Variants in SHOC1 observed in about 807,000 individuals in gnomAD.
The protein encoded by SHOC1 is protein shortage in chiasmata 1 ortholog.
In SHOC1, 136 loss-of-function variants were observed where a neutral mutation model predicts 179.2. That is an observed-to-expected ratio of 0.76 (90% CI 0.66 to 0.87). The LOEUF is 0.87. SHOC1 is among the 40% of genes least tolerant of loss of function. The pLI is 0.00. For missense variants in SHOC1, 1,538 were observed against 1,700.8 expected, an observed-to-expected ratio of 0.90 and a Z score of 1.68; for synonymous variants, 489 against 586.6, an observed-to-expected ratio of 0.83 and a Z score of 2.41.
intron 3 of SHOC1, among the ~76,000 whole-genome samples, chr9:111,783,670 T>C (rs1324610378): frequency 2.0e-5 from 3 of 152,206 alleles, no homozygotes; most frequent in Non-Finnish European, 4.4e-5. Flanking sequence ...AATTTACATA[T>C]TGAAAACTCC....
At chr9:111,720,646 A>G (rs1832994443) in intron 15 of SHOC1, among the ~76,000 whole-genome samples, 1 of 151,604 alleles carries the variant, frequency 6.6e-6, no homozygotes, top group Non-Finnish European at 1.5e-5. Context: ...TTTCTTTTTC[A>G]TTCTTTCATG....
chr9:111,758,895 T>A, intron 5 of SHOC1, 47 bp from the exon 6 acceptor site: 2 of 1,162,732 alleles, frequency 1.7e-6, no homozygotes, highest in Non-Finnish European at 2.4e-6. Flanking sequence ...AAACAAAAAG[T>A]TATCCAAAGA....
chr9:111,724,732 A>G (rs1446088072), intron 13 of SHOC1, among the ~76,000 whole-genome samples: 1 of 152,080 alleles, frequency 6.6e-6, no homozygotes, highest in African/African-American at 2.4e-5. Context: ...CCCTACTTCC[A>G]GGCCAGCAAA....
chr9:111,767,667 G>A (rs1835407486), intron 5 of SHOC1, among the ~76,000 whole-genome samples: 1 of 151,996 alleles, frequency 6.6e-6, no homozygotes. Flanking sequence ...TTGGCTATTT[G>A]GGGTCTTTTG....
intron 5 of SHOC1, among the ~76,000 whole-genome samples, chr9:111,768,040 GTCC>G (rs1367504514): frequency 6.6e-6 from 1 of 151,898 alleles, no homozygotes; most frequent in African/African-American, 2.4e-5. Flanking sequence ...TTTTTTGTGT[GTCC>G]TCCTCAATTT....
chr9:111,730,873 T>G (rs1833533737), intron 12 of SHOC1, among the ~76,000 whole-genome samples: 1 of 152,240 alleles, frequency 6.6e-6, no homozygotes, highest in Admixed American at 6.5e-5. Context: ...GAACGCTGTT[T>G]CATCTACATT....
At chr9:111,691,487 G>T in intron 27 of SHOC1, 64 bp downstream of exon 27, 3 of 1,439,072 alleles carry the variant, frequency 2.1e-6, no homozygotes, top group Admixed American at 2.3e-5. Flanking sequence ...GTTAAATTTG[G>T]AGATGATTTT....
chr9:111,753,161 T>G (rs1001131712), intron 8 of SHOC1, among the ~76,000 whole-genome samples: 1 of 152,240 alleles, frequency 6.6e-6, no homozygotes, highest in African/African-American at 2.4e-5. Context: ...AAAATATAAC[T>G]CTGTGGTAAT....
intron 1 of SHOC1, among the ~76,000 whole-genome samples, chr9:111,793,066 T>C (rs906317865): frequency 4.6e-5 from 7 of 152,072 alleles, no homozygotes; most frequent in African/African-American, 1.7e-4. Flanking sequence ...GTATATTTAG[T>C]AGAGACAGGG....
chr9:111,745,857 T>C (rs866400338), intron 10 of SHOC1, among the ~76,000 whole-genome samples: 1 of 152,236 alleles, frequency 6.6e-6, no homozygotes, highest in Admixed American at 6.5e-5. Context: ...CTAAGCATAC[T>C]ATTCCAATGC....
intron 12 of SHOC1, among the ~76,000 whole-genome samples, chr9:111,737,227 G>A (rs565074885): frequency 3.3e-5 from 5 of 152,218 alleles, no homozygotes; most frequent in African/African-American, 4.8e-5. Context: ...TAAAAAAATC[G>A]TTCTGTCTTC....
intron 23 of SHOC1, among the ~76,000 whole-genome samples, 177 bp downstream of exon 23, chr9:111,701,928 G>A (rs547897231): frequency 6.6e-6 from 1 of 152,004 alleles, no homozygotes; most frequent in Non-Finnish European, 1.5e-5. Context: ...CCAGGGAAAC[G>A]TATCATCTCC....
chr9:111,783,436 T>C (rs2131639252), intron 3 of SHOC1: 1 of 152,340 alleles, frequency 6.6e-6, no homozygotes, highest in Middle Eastern at 3.4e-3. Flanking sequence ...AACTTGAGCT[T>C]TTAACAGGAG....
At chr9:111,748,827 CCT>C (rs1834426402) in intron 8 of SHOC1, among the ~76,000 whole-genome samples, 1 of 125,212 alleles carries the variant, frequency 8.0e-6, no homozygotes, top group Non-Finnish European at 1.6e-5. Context: ...TCCCTCCCTT[CCT>C]CTCTCCCTCC....
rs771720507 is a variant in SHOC1, at chr9:111,727,791, A to G, written c.1676T>C (p.Ile559Thr). 6.2e-7 allele frequency: 1 copy of G among 1,613,484 alleles called. No individual in the cohort carries two copies. The highest frequency in any genetic ancestry group is 8.5e-7 in the Non-Finnish European group (1 of 1,179,690). ...HFELDCTGPSIKSPSSSIIKK... is the reference protein window; with the variant it reads ...HFELDCTGPSTKSPSSSIIKK... ...AATTATTGAAGAGGAAGGTGATTTA[A>G]TAGATGGTCCTGTGCAGTCAAGTTC... The change falls in exon 13 of 28, where the codon ATT (isoleucine) becomes ACT (threonine). Residue 559 changes from isoleucine (I) to threonine (T), a missense_variant. Coordinates refer to ENST00000682961, the MANE Select transcript of SHOC1 (RefSeq NM_001378211.1).
At position 111,748,105 on chromosome 9, in the gene SHOC1, C is replaced by T. The variant is rs777430715; in HGVS notation, c.957G>A (p.Glu319=). 1.2e-6 allele frequency: 2 copies of T among 1,612,704 alleles called. No individual in the cohort carries two copies. Among genetic ancestry groups the T allele is most frequent in the African/African-American group, 1.3e-5 (1 of 74,990 alleles). The part of the protein sequence containing the change: ...LTIQSQSEPE[E]CSKPGELEMP... The stretch of plus-strand genomic sequence containing the variant: ...CAAAATTTCTACCTGGTTTACTGCA[C>T]TCTTCTGGTTCACTCTGGCTTTGAA... Residue 319 remains glutamate, a synonymous_variant, in exon 9 of 28, where the codon GAG becomes GAA. Coordinates refer to ENST00000682961, the MANE Select transcript of SHOC1 (RefSeq NM_001378211.1).
chr9:111,769,986 G>GTTTTTTTTTTTTT (rs769266659), intron 5 of SHOC1, among the ~76,000 whole-genome samples: 23 of 77,616 alleles, frequency 3.0e-4, no homozygotes, highest in East Asian at 6.3e-4. Context: ...TTTTTTTTTT[G>GTTTTTTTTTTTTT]TTTTTTTTTT....
intron 5 of SHOC1, chr9:111,759,552 T>G: frequency 1.8e-6 from 2 of 1,138,154 alleles, no homozygotes; most frequent in Non-Finnish European, 2.2e-6. Context: ...TAACAGTTTC[T>G]AAGTCACAGG....
At chr9:111,699,857 C>A (rs1430411389) in intron 24 of SHOC1, 97 bp downstream of exon 24, 4 of 634,764 alleles carry the variant, frequency 6.3e-6, no homozygotes, top group African/African-American at 1.8e-5. Flanking sequence ...GTTTTTAATT[C>A]ATTTGCTTAA....
Sources: allele counts gnomAD v4.1 joint callset (sites outside exome capture counted in the v4.1 genomes callset), GRCh38; gene constraint gnomAD v4.1.1; transcripts MANE v1.5; gene names NCBI Gene and HGNC (gene_info 2026-07-23, HGNC 2026-07-21).